BMP6: variants seen among roughly 807,000 people sequenced by gnomAD.
BMP6 encodes bone morphogenetic protein 6.
Under a neutral mutation model 54.1 loss-of-function variants are expected in BMP6, and 17 were observed. The observed-to-expected ratio is 0.31, with a 90% confidence interval of 0.22 to 0.47. The LOEUF (loss-of-function observed/expected upper bound fraction) is 0.47, where lower values mean the gene tolerates loss of function less well. Ranked by LOEUF, BMP6 falls within the 20% of genes least tolerant of loss-of-function variation. The pLI is 1.00. For synonymous variants in BMP6, 328 were observed against 291.2 expected (o/e 1.13, Z -1.28); for missense variants, 720 against 690.4 (o/e 1.04, Z -0.48).
intron 1 of BMP6, among the ~76,000 whole-genome samples, chr6:7,786,163 A>AT (rs912241164): frequency 9.2e-5 from 14 of 151,748 alleles, no homozygotes; most frequent in South Asian, 6.3e-4. Flanking sequence ...TTTTCTCTGG[A>AT]TTTTTTTTTC....
At chr6:7,742,542 A>G (rs1173206091) in intron 1 of BMP6, among the ~76,000 whole-genome samples, 1 of 152,252 alleles carries the variant, frequency 6.6e-6, no homozygotes, top group Non-Finnish European at 1.5e-5. Flanking sequence ...GCTAGGCAAC[A>G]GGGAGCATTT....
intron 1 of BMP6, among the ~76,000 whole-genome samples, chr6:7,769,408 T>C (rs1757748934): frequency 6.6e-6 from 1 of 152,160 alleles, no homozygotes; most frequent in Non-Finnish European, 1.5e-5. Context: ...TTTAAAAAGC[T>C]CCCCAGGTGA....
chr6:7,798,637 G>A (rs1235919880), intron 1 of BMP6, among the ~76,000 whole-genome samples: 1 of 152,188 alleles, frequency 6.6e-6, no homozygotes, highest in African/African-American at 2.4e-5. Context: ...ATCCTCAGAT[G>A]TTCCTTCCAC....
chr6:7,852,331 G>T (rs1446210653), intron 2 of BMP6, among the ~76,000 whole-genome samples: 1 of 152,236 alleles, frequency 6.6e-6, no homozygotes, highest in Non-Finnish European at 1.5e-5. Context: ...TCAGCACTTT[G>T]AGAGGCCAAG....
chr6:7,783,444 A>G (rs1366390131), intron 1 of BMP6, among the ~76,000 whole-genome samples: 1 of 152,146 alleles, frequency 6.6e-6, no homozygotes. Flanking sequence ...ACTATTTTTT[A>G]TTCCTCTTTG....
intron 1 of BMP6, among the ~76,000 whole-genome samples, chr6:7,758,479 T>G (rs1202735628): frequency 6.6e-6 from 1 of 152,214 alleles, no homozygotes; most frequent in African/African-American, 2.4e-5. Context: ...AGGACCTGAC[T>G]AGATTTGTGT....
chr6:7,773,322 T>C (rs1757818013), intron 1 of BMP6, among the ~76,000 whole-genome samples: 1 of 152,230 alleles, frequency 6.6e-6, no homozygotes, highest in Non-Finnish European at 1.5e-5. Context: ...TGAGTTCCCA[T>C]ATTCCAAAAG....
At chr6:7,774,010 CGTG>C (rs1317990080) in intron 1 of BMP6, among the ~76,000 whole-genome samples, 4 of 152,332 alleles carry the variant, frequency 2.6e-5, no homozygotes, top group East Asian at 1.9e-4. Context: ...TCCAGAGAGA[CGTG>C]GTCATTCCAG....
chr6:7,864,213 G>C (rs560951016), intron 4 of BMP6, among the ~76,000 whole-genome samples: 253 of 152,260 alleles, frequency 1.7e-3, no homozygotes, highest in African/African-American at 5.9e-3. Context: ...TATTTAAATA[G>C]CTTGAGAATC....
At chr6:7,877,528 CAGG>C (rs1424787915) in intron 4 of BMP6, among the ~76,000 whole-genome samples, 1 of 151,962 alleles carries the variant, frequency 6.6e-6, no homozygotes, top group Non-Finnish European at 1.5e-5. Flanking sequence ...GAGACTGAGG[CAGG>C]AGAATCGCTT....
chr6:7,739,463 A>G (rs1046932164), intron 1 of BMP6, among the ~76,000 whole-genome samples: 1 of 152,128 alleles, frequency 6.6e-6, no homozygotes, highest in African/African-American at 2.4e-5. Context: ...AGAATGGCTG[A>G]TGTCACTTAT....
intron 1 of BMP6, among the ~76,000 whole-genome samples, chr6:7,775,866 C>A (rs886149280): frequency 6.6e-6 from 1 of 152,172 alleles, no homozygotes; most frequent in Non-Finnish European, 1.5e-5. Context: ...TTTGGGGTAG[C>A]AACGAATATA....
At chr6:7,846,260 T>C (rs897530623) in intron 2 of BMP6, among the ~76,000 whole-genome samples, 1 of 152,222 alleles carries the variant, frequency 6.6e-6, no homozygotes, top group Non-Finnish European at 1.5e-5. Context: ...CGTAAGGGAT[T>C]TGTCAGATTT....
intron 2 of BMP6, among the ~76,000 whole-genome samples, chr6:7,857,054 G>A (rs1010146851): frequency 6.6e-6 from 1 of 152,216 alleles, no homozygotes; most frequent in African/African-American, 2.4e-5. Flanking sequence ...GCAAAGGAGA[G>A]AAAGGCCTGC....
At chr6:7,786,663 C>G (rs1758024781) in intron 1 of BMP6, among the ~76,000 whole-genome samples, 1 of 152,090 alleles carries the variant, frequency 6.6e-6, no homozygotes, top group Non-Finnish European at 1.5e-5. Flanking sequence ...ACTGTAGATT[C>G]AATCAGCCTA....
chr6:7,879,014 G>A, intron 4 of BMP6, 60 bp from the exon 5 acceptor site: 2 of 1,513,894 alleles, frequency 1.3e-6, no homozygotes, highest in South Asian at 2.3e-5. Flanking sequence ...CTCTATGAAG[G>A]AATTAATGAG....
intron 1 of BMP6, among the ~76,000 whole-genome samples, chr6:7,840,746 A>T (rs560566308): frequency 6.6e-6 from 1 of 152,120 alleles, no homozygotes; most frequent in Admixed American, 6.5e-5. Flanking sequence ...AGAAGCAGAT[A>T]GCCTTGTGTA....
chr6:7,826,445 T>G (rs1345749769), intron 1 of BMP6, among the ~76,000 whole-genome samples: 1 of 152,180 alleles, frequency 6.6e-6, no homozygotes, highest in Non-Finnish European at 1.5e-5. Flanking sequence ...AGCCCAGGTT[T>G]GAATGACCTG....
intron 1 of BMP6, among the ~76,000 whole-genome samples, chr6:7,829,047 G>A (rs116067744): frequency 0.015 from 2,323 of 152,308 alleles, 21 homozygotes; most frequent in Non-Finnish European, 0.022. Context: ...GGGAACCAAA[G>A]CAAGGAATTG....
Sources: gnomAD v4.1 joint callset for allele counts (sites outside exome capture counted in the v4.1 genomes callset) on GRCh38, gnomAD v4.1.1 for gene constraint, MANE v1.5 for transcripts, NCBI Gene and HGNC (gene_info 2026-07-23, HGNC 2026-07-21) for gene names.